RPS6KC1: variants seen among roughly 807,000 people sequenced by gnomAD.
RPS6KC1 encodes ribosomal protein S6 kinase C1.
Under a neutral mutation model 103.8 loss-of-function variants are expected in RPS6KC1, and 54 were observed. The ratio of observed to expected loss-of-function variants is 0.52; its 90% CI spans 0.42 to 0.65. The LOEUF (loss-of-function observed/expected upper bound fraction) is 0.65. Ranked by LOEUF, RPS6KC1 falls within the 30% of genes least tolerant of loss-of-function variation. The pLI, the probability that RPS6KC1 is intolerant of heterozygous loss-of-function variation, is 0.00. For synonymous variants in RPS6KC1, 439 were observed against 438.7 expected (o/e 1.00, Z -0.01); for missense variants, 1,151 against 1,253.8 (o/e 0.92, Z 1.24).
the RPS6KC1 span, among the ~76,000 whole-genome samples, chr1:213,657,301 A>G: frequency 6.6e-6 from 1 of 152,142 alleles, no homozygotes; most frequent in African/African-American, 2.4e-5. Flanking sequence ...TGAAAAAGAG[A>G]TTGCACTGAA....
At chr1:213,276,044 A>G (rs996864612), downstream of RPS6KC1, among the ~76,000 whole-genome samples, 1 of 152,202 alleles carries the variant, frequency 6.6e-6, no homozygotes, top group Non-Finnish European at 1.5e-5. Flanking sequence ...GTGTGAACCA[A>G]GATTGATTGA....
chr1:213,673,419 T>C, the RPS6KC1 span, among the ~76,000 whole-genome samples: 1 of 152,230 alleles, frequency 6.6e-6, no homozygotes, highest in Non-Finnish European at 1.5e-5. Context: ...GTCAGCCAGA[T>C]GTACAGAACT....
chr1:213,421,192 AC>A, the RPS6KC1 span, among the ~76,000 whole-genome samples: 9 of 151,058 alleles, frequency 6.0e-5, no homozygotes, highest in African/African-American at 2.2e-4. Context: ...TCACACTGTA[AC>A]CTCTGCCTCC....
At chr1:213,701,719 A>T in the RPS6KC1 span, among the ~76,000 whole-genome samples, 1 of 151,964 alleles carries the variant, frequency 6.6e-6, no homozygotes, top group Non-Finnish European at 1.5e-5. Flanking sequence ...CATTGCAGCC[A>T]CTAATGATTC....
chr1:213,064,999 CAG>C (rs1248394596), intron 1 of RPS6KC1, among the ~76,000 whole-genome samples: 1 of 58,408 alleles, frequency 1.7e-5, no homozygotes, highest in Non-Finnish European at 3.3e-5. Context: ...TTTTTTGAGA[CAG>C]AGTCTTGCTC....
chr1:213,690,347 G>T, the RPS6KC1 span, among the ~76,000 whole-genome samples: 2 of 152,222 alleles, frequency 1.3e-5, no homozygotes, highest in African/African-American at 4.8e-5. Flanking sequence ...AGGCAAAGCA[G>T]TAGACTTTTC....
the RPS6KC1 span, among the ~76,000 whole-genome samples, chr1:213,389,415 A>G: frequency 6.6e-6 from 1 of 152,196 alleles, no homozygotes; most frequent in Admixed American, 6.5e-5. Context: ...GGCCAGCCAA[A>G]TGCTTGGGCG....
At position 213,091,659 on chromosome 1, in the gene RPS6KC1, TATC is replaced by T. The variant is rs1185634702; in HGVS notation, c.263-12790_263-12788del. On this transcript the variant is annotated intron_variant, in intron 3 of 14. Coordinates refer to ENST00000366960, the MANE Select transcript of RPS6KC1 (RefSeq NM_012424.6). ...ATTATACAGTGTTAAAAATCATTAA[TATC>T]ATCACAGATTTCTAAGGAAAAAATT... is the stretch of plus-strand genomic sequence containing the variant. Among the ~76,000 whole-genome samples the T allele has an allele frequency of 2.0e-5, 3 of 152,330 alleles. 1 individual carries two copies. Among genetic ancestry groups the T allele is most frequent in the African/African-American group, 4.8e-5 (2 of 41,580 alleles).
At chr1:213,448,211 CAG>C in the RPS6KC1 span, among the ~76,000 whole-genome samples, 4 of 103,034 alleles carry the variant, frequency 3.9e-5, no homozygotes, top group South Asian at 9.6e-4. Context: ...GCCTGGGTGA[CAG>C]AGTGAGACTG....
At chr1:213,362,033 C>A in the RPS6KC1 span, among the ~76,000 whole-genome samples, 1 of 152,022 alleles carries the variant, frequency 6.6e-6, no homozygotes, top group Non-Finnish European at 1.5e-5. Context: ...CCTTTTTTCT[C>A]TTTTTGCATA....
chr1:213,266,202 C>T (rs2094908672), intron 14 of RPS6KC1, among the ~76,000 whole-genome samples: 1 of 152,048 alleles, frequency 6.6e-6, no homozygotes, highest in Non-Finnish European at 1.5e-5. Flanking sequence ...TTGCTATTGA[C>T]ACAGGTCAAC....
chr1:213,196,840 T>C (rs2092966224), intron 8 of RPS6KC1, among the ~76,000 whole-genome samples: 1 of 152,182 alleles, frequency 6.6e-6, no homozygotes, highest in Non-Finnish European at 1.5e-5. Context: ...TGCCTTTTTT[T>C]GTTTGTTTGT....
the RPS6KC1 span, among the ~76,000 whole-genome samples, chr1:213,756,367 T>C: frequency 6.6e-6 from 1 of 152,190 alleles, no homozygotes; most frequent in Admixed American, 6.5e-5. Flanking sequence ...AGGGAAGGGT[T>C]CAAAGGCAAT....
At chr1:213,759,435 T>C in the RPS6KC1 span, among the ~76,000 whole-genome samples, 1 of 152,236 alleles carries the variant, frequency 6.6e-6, no homozygotes, top group Non-Finnish European at 1.5e-5. Context: ...AACATATGCC[T>C]GTAATTCTTT....
chr1:213,233,044 C>G (rs931599960), intron 10 of RPS6KC1, among the ~76,000 whole-genome samples: 4 of 151,894 alleles, frequency 2.6e-5, no homozygotes, highest in Non-Finnish European at 5.9e-5. Context: ...AACTATTGTA[C>G]TTTACTAATA....
At chr1:213,387,332 A>G in the RPS6KC1 span, among the ~76,000 whole-genome samples, 1 of 152,206 alleles carries the variant, frequency 6.6e-6, no homozygotes. Flanking sequence ...TAAGGTTTTC[A>G]TTTGCATTGT....
At chr1:213,309,071 C>CACG in the RPS6KC1 span, among the ~76,000 whole-genome samples, 1 of 152,002 alleles carries the variant, frequency 6.6e-6, no homozygotes, top group Non-Finnish European at 1.5e-5. Context: ...GTGGGTGGAT[C>CACG]ACGAGGTCAG....
the RPS6KC1 span, among the ~76,000 whole-genome samples, chr1:213,365,312 T>C: frequency 2.6e-5 from 4 of 152,246 alleles, no homozygotes; most frequent in African/African-American, 7.2e-5. Context: ...CTCTTCTTTC[T>C]CTCTGTCTCT....
the RPS6KC1 span, among the ~76,000 whole-genome samples, chr1:213,313,232 C>T: frequency 1.3e-5 from 2 of 152,206 alleles, no homozygotes; most frequent in African/African-American, 4.8e-5. Context: ...AGGTTCTACA[C>T]GATGCCTTCA....
Sources: gnomAD v4.1 joint callset for allele counts (sites outside exome capture counted in the v4.1 genomes callset) on GRCh38, gnomAD v4.1.1 for gene constraint, MANE v1.5 for transcripts, NCBI Gene and HGNC (gene_info 2026-07-23, HGNC 2026-07-21) for gene names.